The following TRIM55 variants were observed in gnomAD, a reference collection of about 807,000 sequenced individuals.
TRIM55 encodes the protein tripartite motif-containing protein 55.
A neutral mutation model predicts 60.9 loss-of-function variants in TRIM55; 50 were observed. That is an observed-to-expected ratio of 0.82 (90% confidence interval 0.65 to 1.04). The LOEUF (loss-of-function observed/expected upper bound fraction) is 1.04, where lower values mean the gene tolerates loss of function less well. TRIM55 is among the 50% of genes least tolerant of loss of function. TRIM55 has a pLI of 0.00. For synonymous variants in TRIM55, 237 were observed against 238.1 expected, an observed-to-expected ratio of 1.00 and a Z score of 0.04; for missense variants, 681 against 666.9, an observed-to-expected ratio of 1.02 and a Z score of -0.23.
chr8:66,119,872 T>G, the TRIM55 span, among the ~76,000 whole-genome samples: 3 of 152,250 alleles, frequency 2.0e-5, no homozygotes, highest in Non-Finnish European at 4.4e-5. Flanking sequence ...AGCTGCACTG[T>G]GCACATTCCA....
At chr8:66,138,184 G>A (rs979199989) in intron 4 of TRIM55, among the ~76,000 whole-genome samples, 3 of 151,912 alleles carry the variant, frequency 2.0e-5, no homozygotes, top group Non-Finnish European at 4.4e-5. Flanking sequence ...AGCCTCTCTT[G>A]TTATCTATTT....
intron 2 of TRIM55, among the ~76,000 whole-genome samples, chr8:66,130,712 G>C (rs137995969): frequency 0.023 from 3,448 of 148,804 alleles, 125 homozygotes; most frequent in African/African-American, 0.08. Context: ...CCAGGCTGGA[G>C]TGCAGTGGCG....
chr8:66,125,833 G>A (rs1361317375), upstream of TRIM55, among the ~76,000 whole-genome samples: 2 of 152,068 alleles, frequency 1.3e-5, no homozygotes, highest in Non-Finnish European at 2.9e-5. Context: ...ACACTTCACT[G>A]GTAATTTAAT....
the TRIM55 span, chr8:66,114,618 A>G: frequency 2.2e-6 from 1 of 456,342 alleles, no homozygotes; most frequent in Middle Eastern, 3.3e-4. Flanking sequence ...GGAAAACAAA[A>G]CAAGAAACAG....
In TRIM55 at chr8:66,127,151, A is replaced by G. The variant is rs938518302; in HGVS notation, c.-118A>G. 4.3e-6 allele frequency: 5 copies of G among 1,150,458 alleles called. No individual in the cohort carries two copies. In the Admixed American group the frequency reaches 1.0e-4, roughly 23 times the overall value. The allele number at this position is 1,150,458 out of a possible 1,614,324, so 71.3% of individuals were successfully genotyped here. On this transcript the variant is annotated 5_prime_UTR_variant, in exon 1 of 10. Transcript: ENST00000315962. ...ACCAGGGCCTGAAACAATGTCCTCCACCGAGAGAAACGTAAAGGACACTTG... is the reference window on the plus strand; with the variant it reads ...ACCAGGGCCTGAAACAATGTCCTCCGCCGAGAGAAACGTAAAGGACACTTG...
chr8:66,128,835 C>A (rs891647198), intron 2 of TRIM55, among the ~76,000 whole-genome samples: 17 of 150,308 alleles, frequency 1.1e-4, no homozygotes, highest in Admixed American at 6.6e-4. Context: ...CAGATCCCTA[C>A]AAAGCAAAGA....
intron 9 of TRIM55, among the ~76,000 whole-genome samples, chr8:66,158,783 A>G (rs1810889913): frequency 6.6e-6 from 1 of 152,206 alleles, no homozygotes; most frequent in Non-Finnish European, 1.5e-5. Flanking sequence ...AAGCTCTTAC[A>G]TAAATCCCAA....
At chr8:66,150,016 T>G in intron 5 of TRIM55, 138 bp downstream of exon 5, 1 of 903,448 alleles carries the variant, frequency 1.1e-6, no homozygotes, top group South Asian at 1.8e-5. Context: ...TGTGCTTATA[T>G]ATTAATCTAT....
At chr8:66,171,220 G>A (rs1586266309) in intron 9 of TRIM55, among the ~76,000 whole-genome samples, 2 of 152,040 alleles carry the variant, frequency 1.3e-5, no homozygotes, top group African/African-American at 4.8e-5. Flanking sequence ...TGTTTTTCCT[G>A]ATTCTCTCCC....
At position 66,169,291 on chromosome 8, in the gene TRIM55, G is replaced by A. The variant is rs550351006; in HGVS notation, c.1525-5180G>A. ...CATTGACCCCCAAGCTCAAACAAGC[G>A]CATATCCACCAATCTGCACCCAGTT... On this transcript the variant is annotated intron_variant, in intron 9 of 9. Coordinates refer to ENST00000315962, the MANE Select transcript of TRIM55 (RefSeq NM_184085.2). Among the ~76,000 whole-genome samples, 52 of 152,244 alleles carry A rather than the reference G, an allele frequency of 3.4e-4. 1 individual carries two copies. In the South Asian group the frequency reaches 9.7e-3, roughly 29 times the overall value.
rs896520949 is a variant in TRIM55 at position 66,157,776 on chromosome 8, T to C, written c.1524+3442T>C. Among the ~76,000 whole-genome samples, 3 of 152,192 alleles carry C rather than the reference T, an allele frequency of 2.0e-5. 1 individual carries two copies. The highest frequency in any genetic ancestry group is 2.0e-4 in the Admixed American group (3 of 15,278). On this transcript the variant is annotated intron_variant, in intron 9 of 9. Transcript: ENST00000315962. Reference sequence around the variant, plus strand: ...TACACAGTGAAACATGCCCTCGATTTTACTGCCTGTGGTTTCTGGTGCTGA... The same window carrying C: ...TACACAGTGAAACATGCCCTCGATTCTACTGCCTGTGGTTTCTGGTGCTGA...
rs1361210055 is a variant in TRIM55, at chr8:66,127,163, G to C, written c.-106G>C. 7.9e-7 allele frequency: 1 copy of C among 1,259,856 alleles called. No homozygotes were observed. The highest frequency in any genetic ancestry group is 1.5e-5 in the African/African-American group (1 of 66,354). The allele number at this position is 1,259,856 out of a possible 1,614,324, so 78.0% of individuals were successfully genotyped here. A position where few individuals can be genotyped will look rare whatever the true frequency, so the allele number is the denominator to read the frequency against. ...AACAATGTCCTCCACCGAGAGAAAC[G>C]TAAAGGACACTTGATCACACAATCC... On this transcript the variant is annotated 5_prime_UTR_variant, in exon 1 of 10. Coordinates refer to ENST00000315962, the MANE Select transcript of TRIM55 (RefSeq NM_184085.2).
intron 9 of TRIM55, among the ~76,000 whole-genome samples, chr8:66,160,464 G>T (rs1015485900): frequency 6.6e-6 from 1 of 151,970 alleles, no homozygotes; most frequent in African/African-American, 2.4e-5. Context: ...GAATTGTGCT[G>T]CTATAAACAT....
chr8:66,173,996 T>G (rs552240328), intron 9 of TRIM55, among the ~76,000 whole-genome samples: 2 of 152,272 alleles, frequency 1.3e-5, no homozygotes, highest in African/African-American at 4.8e-5. Flanking sequence ...TGTATATGCA[T>G]GCTAGAAACT....
intron 4 of TRIM55, among the ~76,000 whole-genome samples, chr8:66,142,255 T>A (rs1268157899): frequency 6.6e-6 from 1 of 152,202 alleles, no homozygotes; most frequent in Non-Finnish European, 1.5e-5. Flanking sequence ...ATCTTTTAAA[T>A]GATGTCAGAA....
At chr8:66,133,479 G>A (rs1016125696) in intron 2 of TRIM55, among the ~76,000 whole-genome samples, 1 of 152,076 alleles carries the variant, frequency 6.6e-6, no homozygotes, top group African/African-American at 2.4e-5. Flanking sequence ...CCTGAGAGGA[G>A]GATAATTTTC....
chr8:66,171,399 C>A (rs1323875693), intron 9 of TRIM55, among the ~76,000 whole-genome samples: 1 of 152,196 alleles, frequency 6.6e-6, no homozygotes, highest in Non-Finnish European at 1.5e-5. Flanking sequence ...CCCGCTACAT[C>A]CATGTCTCTG....
chr8:66,165,672 G>A (rs1811288628), intron 9 of TRIM55, among the ~76,000 whole-genome samples: 1 of 152,172 alleles, frequency 6.6e-6, no homozygotes, highest in South Asian at 2.1e-4. Context: ...TGATATGCCA[G>A]GCGCCCTGAC....
intron 7 of TRIM55, among the ~76,000 whole-genome samples, chr8:66,152,127 C>T (rs569881107): frequency 1.3e-5 from 2 of 152,086 alleles, no homozygotes; most frequent in African/African-American, 4.8e-5. Flanking sequence ...GCATTATGCA[C>T]AGCAGAGGTG....
Sources: allele counts gnomAD v4.1 joint callset (sites outside exome capture counted in the v4.1 genomes callset), GRCh38; gene constraint gnomAD v4.1.1; transcripts MANE v1.5; gene names NCBI Gene and HGNC (gene_info 2026-07-23, HGNC 2026-07-21).